The following CD58 variants were observed in gnomAD, a reference collection of about 807,000 sequenced individuals.
CD58 encodes the protein lymphocyte function-associated antigen 3.
CD58 carries 14 observed loss-of-function variants against 27.6 expected under a neutral mutation model. That is an observed-to-expected ratio of 0.51 (90% CI 0.34 to 0.79). The LOEUF (loss-of-function observed/expected upper bound fraction) is 0.79. Ranked by LOEUF, CD58 falls within the 30% of genes least tolerant of loss-of-function variation. The pLI is 0.02. For missense variants in CD58, 268 were observed against 301.7 expected, an observed-to-expected ratio of 0.89 and a Z score of 0.83; for synonymous variants, 117 against 103.8, an observed-to-expected ratio of 1.13 and a Z score of -0.77.
chr1:116,533,055 CAA>C, intron 3 of CD58: 1 of 729,852 alleles, frequency 1.4e-6, no homozygotes, highest in Non-Finnish European at 2.5e-6. Context: ...TCACCTTCGT[CAA>C]AATTGTCATC....
chr1:116,522,054 T>A lies in CD58; in HGVS notation c.629-71A>T. 1.2e-6 allele frequency: 1 copy of A among 804,054 alleles called. No homozygotes were observed. Among genetic ancestry groups the A allele is most frequent in the Non-Finnish European group, 2.0e-6 (1 of 490,906 alleles). The allele number at this position is 804,054 out of a possible 1,614,324, so 49.8% of individuals were successfully genotyped here. A position where few individuals can be genotyped will look rare whatever the true frequency, so the allele number is the denominator to read the frequency against. On this transcript the variant is annotated intron_variant, in intron 3 of 5. Transcript: ENST00000369489. This position sits in a 1 kb window ranked among gnomAD's most constrained non-coding sequence, Gnocchi z 4.6. ...AAATGGATCCTCATTATTTGCAGAT[T>A]CCACCTTGCGGTTTGCTTATTTACT...
Position 116,544,545 on chromosome 1 carries a change from G to A in CD58, c.130C>T (p.His44Tyr), listed in dbSNP as rs776484835. ...YGVVYGNVTF[H>Y]VPSNVPLKEV... The stretch of plus-strand genomic sequence containing the variant: ...TTTAAAGGCACATTGCTTGGTACAT[G>A]GAAAGTTACATTCCCATACACAACA... The change falls in exon 2 of 6, where the codon CAT becomes TAT. Residue 44 changes from histidine to tyrosine, a missense_variant. Transcript: ENST00000369489. The A allele has an allele frequency of 4.3e-6, 7 of 1,613,218 alleles. No homozygotes were observed. Among genetic ancestry groups the A allele is most frequent in the Middle Eastern group, 1.6e-4 (1 of 6,084 alleles).
chr1:116,547,323 C>CT (rs199788173), intron 1 of CD58, among the ~76,000 whole-genome samples: 1,577 of 136,816 alleles, frequency 0.012, 11 homozygotes, highest in African/African-American at 0.021. Context: ...TTATTTTGTT[C>CT]TTTTTTTTTT....
In CD58 at chr1:116,559,547, G is replaced by C. The variant is rs1183911624; in HGVS notation, c.70+11356C>G. 2.0e-5 allele frequency among the ~76,000 whole-genome samples: 3 copies of C among 152,088 alleles called. No individual in the cohort carries two copies. The highest frequency in any genetic ancestry group is 2.9e-5 in the Non-Finnish European group (2 of 68,020). On this transcript the variant is annotated intron_variant, in intron 1 of 5. Coordinates refer to ENST00000369489, the MANE Select transcript of CD58 (RefSeq NM_001779.3). This position sits in a 1 kb window ranked among gnomAD's most constrained non-coding sequence, Gnocchi z 4.4. ...TGACTTCTCTTATTTCCTTAAGACA[G>C]AGATTTACTGATTTCAGCCACACCA...
At chr1:116,529,709 T>C (rs949137359) in intron 3 of CD58, among the ~76,000 whole-genome samples, 22 of 152,124 alleles carry the variant, frequency 1.4e-4, no homozygotes, top group African/African-American at 5.3e-4. Context: ...TTTACAGGAG[T>C]TTGTTGTGGA....
intron 3 of CD58, chr1:116,533,637 A>G (rs552504748): frequency 2.9e-6 from 2 of 698,802 alleles, no homozygotes; most frequent in Non-Finnish European, 5.4e-6. Flanking sequence ...TTGGCTCTTC[A>G]GCTGTTGCTG....
intron 3 of CD58, 50 bp downstream of exon 3, chr1:116,535,912 TCAC>T (rs1657782993): frequency 7.5e-7 from 1 of 1,338,934 alleles, no homozygotes; most frequent in South Asian, 1.3e-5. Flanking sequence ...CTTGTGTTAG[TCAC>T]CACATCTGTG....
intron 1 of CD58, among the ~76,000 whole-genome samples, chr1:116,565,304 C>T (rs1217802534): frequency 6.6e-6 from 1 of 152,174 alleles, no homozygotes; most frequent in Non-Finnish European, 1.5e-5. Flanking sequence ...CATTTTCTAC[C>T]ACTCTCCACC....
At position 116,532,419 on chromosome 1, in the gene CD58, C is replaced by T. The variant is rs913292035; in HGVS notation, c.628+3546G>A. On this transcript the variant is annotated intron_variant, in intron 3 of 5. Coordinates refer to ENST00000369489, the MANE Select transcript of CD58 (RefSeq NM_001779.3). The surrounding 1 kb of genome is among the most constrained non-coding windows in gnomAD (Gnocchi z 5.1). ...AAGGAGAATACGGCCCTACTCTACACGGCCCTTCTGAGATGATTAGCATAC... is the reference window on the plus strand; with the variant it reads ...AAGGAGAATACGGCCCTACTCTACATGGCCCTTCTGAGATGATTAGCATAC... Among the ~76,000 whole-genome samples the T allele has an allele frequency of 1.3e-5, 2 of 152,232 alleles. No homozygotes were observed. The highest frequency in any genetic ancestry group is 2.9e-5 in the Non-Finnish European group (2 of 68,046).
At chr1:116,514,862 T>A in intron 5 of CD58, 40 bp from the exon 6 acceptor site, 1 of 1,495,314 alleles carries the variant, frequency 6.7e-7, no homozygotes, top group Non-Finnish European at 9.3e-7. Context: ...TAAAATGCAG[T>A]AAATCTGGGC....
chr1:116,553,565 G>A (rs1387719761), intron 1 of CD58, among the ~76,000 whole-genome samples: 1 of 152,036 alleles, frequency 6.6e-6, no homozygotes, highest in Non-Finnish European at 1.5e-5. Flanking sequence ...GTGGGTTGTG[G>A]TGTCTTTCCC....
intron 2 of CD58, among the ~76,000 whole-genome samples, chr1:116,543,192 C>T (rs1413819955): frequency 1.3e-5 from 2 of 152,030 alleles, no homozygotes; most frequent in Non-Finnish European, 2.9e-5. Flanking sequence ...GTGTCTGCAA[C>T]GGACTGAGTC....
intron 4 of CD58, among the ~76,000 whole-genome samples, chr1:116,520,908 A>G (rs568647344): frequency 5.9e-5 from 9 of 152,312 alleles, no homozygotes; most frequent in South Asian, 2.1e-4. Context: ...TTTAGCACTG[A>G]TATCGCAAAA....
At position 116,570,839 on chromosome 1, in the gene CD58, C is replaced by T; in HGVS notation, c.70+64G>A. ...ACCGCCTCGAGCCCGGCGCGTCCAC[C>T]CAGCCTGGGTGCTGCCCAGTACCCG... On this transcript the variant is annotated intron_variant, in intron 1 of 5. Transcript: ENST00000369489. The surrounding 1 kb of genome is among the most constrained non-coding windows in gnomAD (Gnocchi z 6.4). The T allele has an allele frequency of 7.3e-7, 1 of 1,366,370 alleles. No individual in the cohort carries two copies. Among genetic ancestry groups the T allele is most frequent in the Non-Finnish European group, 9.9e-7 (1 of 1,007,582 alleles). 84.6% of individuals were successfully genotyped at this position (1,366,370 alleles called of 1,614,324 possible). A position where few individuals can be genotyped will look rare whatever the true frequency, so the allele number is the denominator to read the frequency against.
At chr1:116,537,388 AT>A (rs1657846855) in intron 2 of CD58, among the ~76,000 whole-genome samples, 1 of 152,228 alleles carries the variant, frequency 6.6e-6, no homozygotes, top group Non-Finnish European at 1.5e-5. Context: ...GTAAAAAAAA[AT>A]TTTAATTCCA....
Position 116,559,769 on chromosome 1 carries a change from C to T in CD58, c.70+11134G>A, listed in dbSNP as rs566941174. Among the ~76,000 whole-genome samples, 76 of 152,310 alleles carry T rather than the reference C, an allele frequency of 5.0e-4. 1 individual carries two copies. Among genetic ancestry groups the T allele is most frequent in the Admixed American group, 4.4e-3 (67 of 15,312 alleles). On this transcript the variant is annotated intron_variant, in intron 1 of 5. Coordinates refer to ENST00000369489, the MANE Select transcript of CD58 (RefSeq NM_001779.3). This position sits in a 1 kb window ranked among gnomAD's most constrained non-coding sequence, Gnocchi z 4.4. ...ATCAACTTCTTTCTGTACTTTCCTT[C>T]TAATATGATGCTAAAATAGTTTCCT...
rs779126536 is a variant in CD58 at position 116,519,223 on chromosome 1, G to T, written c.743+8C>A. The T allele has an allele frequency of 6.2e-7, 1 of 1,612,724 alleles. No homozygotes were observed. ...TGGCACAGAGTGCACAGCCTGCAGT[G>T]TACTTACTTGGTTCTGTCTGGTTTT... On this transcript the variant is annotated splice_region_variant and intron_variant, in intron 5 of 5. Transcript: ENST00000369489. The surrounding 1 kb of genome is among the most constrained non-coding windows in gnomAD (Gnocchi z 4.7).
chr1:116,544,226 A>G (rs1236370575), intron 2 of CD58, 85 bp downstream of exon 2: 2 of 890,476 alleles, frequency 2.2e-6, no homozygotes, highest in Admixed American at 5.0e-5. Context: ...TTTCTCATAG[A>G]CCATTAATTT....
Position 116,546,947 on chromosome 1 carries a change from T to A in CD58, c.71-2343A>T, listed in dbSNP as rs1658197362. On this transcript the variant is annotated intron_variant, in intron 1 of 5. Transcript: ENST00000369489. This position sits in a 1 kb window ranked among gnomAD's most constrained non-coding sequence, Gnocchi z 4.1. ...TAATGAGGATGAAGACCTTTGATGATCCACTTTCACTTAGTAAGTATATTT... is the reference window on the plus strand; with the variant it reads ...TAATGAGGATGAAGACCTTTGATGAACCACTTTCACTTAGTAAGTATATTT... Among the ~76,000 whole-genome samples the A allele has an allele frequency of 6.6e-6, 1 of 152,200 alleles. No individual in the cohort carries two copies. Among genetic ancestry groups the A allele is most frequent in the Admixed American group, 6.5e-5 (1 of 15,282 alleles).
Sources: gnomAD v4.1 joint callset for allele counts (sites outside exome capture counted in the v4.1 genomes callset) on GRCh38, gnomAD v4.1.1 for gene constraint, Gnocchi (gnomAD v3.1) non-coding constraint, MANE v1.5 for transcripts, NCBI Gene and HGNC (gene_info 2026-07-23, HGNC 2026-07-21) for gene names.